The following PTPRM variants were observed in gnomAD, a reference collection of about 807,000 sequenced individuals.
PTPRM encodes the protein protein tyrosine phosphatase receptor type M, also known as receptor-type tyrosine-protein phosphatase mu.
Under a neutral mutation model 186.7 loss-of-function variants are expected in PTPRM, and 47 were observed. The ratio of observed to expected loss-of-function variants is 0.25; its 90% CI spans 0.20 to 0.32. The LOEUF (loss-of-function observed/expected upper bound fraction) is 0.32. PTPRM is among the 10% of genes least tolerant of loss of function. The pLI is 1.00. For missense variants in PTPRM, 1,494 were observed against 1,865.0 expected (o/e 0.80, Z 3.66); for synonymous variants, 668 against 674.9 (o/e 0.99, Z 0.16).
rs913996110 is a variant in PTPRM at position 8,076,462 on chromosome 18, T to G, written c.1449T>G (p.Gly483=). ...LIVQTDEDLP[G]AVPTESIQGS... The stretch of plus-strand genomic sequence containing the variant: ...CCTCCCACCCTCCTTTAGTCCCAGG[T>G]GCTGTTCCCACTGAATCCATACAAG... The change falls in exon 9 of 33, where the codon GGT becomes GGG. Residue 483 remains glycine (G), a synonymous_variant. Coordinates refer to ENST00000580170, the MANE Select transcript of PTPRM (RefSeq NM_001105244.2). 2 of 1,592,822 alleles carry G rather than the reference T, an allele frequency of 1.3e-6. No homozygotes were observed. The highest frequency in any genetic ancestry group is 1.7e-6 in the Non-Finnish European group (2 of 1,162,524).
rs537635365 is a variant in PTPRM, at chr18:8,280,419, G to A, written c.2755-15949G>A. ...AATTTGTGGTCGGGGGTGGGGGGGG[G>A]GTCACAATTCAGCCTGTGACACTGA... On this transcript the variant is annotated intron_variant, in intron 19 of 32. Transcript: ENST00000580170. Among the ~76,000 whole-genome samples the A allele has an allele frequency of 3.9e-3, 499 of 126,778 alleles. 28 individuals carry two copies. The East Asian group carries it at 0.11, about 29-fold the overall frequency. The allele number at this position is 126,778 out of a possible 152,430, so 83.2% of individuals were successfully genotyped here.
At chr18:8,321,746 G>A (rs114323168) in intron 22 of PTPRM, among the ~76,000 whole-genome samples, 3,356 of 152,258 alleles carry the variant, frequency 0.022, 111 homozygotes, top group African/African-American at 0.076. Context: ...TGGCGGTGCA[G>A]GGAGAGGAGG....
chr18:7,886,927 G>A (rs1240880558), intron 2 of PTPRM, among the ~76,000 whole-genome samples: 1 of 152,042 alleles, frequency 6.6e-6, no homozygotes, highest in Non-Finnish European at 1.5e-5. Flanking sequence ...TGCTGTTTAG[G>A]CAATCACAGC....
chr18:7,684,992 C>T (rs958191389), intron 1 of PTPRM, among the ~76,000 whole-genome samples: 4 of 152,168 alleles, frequency 2.6e-5, no homozygotes, highest in African/African-American at 9.7e-5. Flanking sequence ...TTCAGTGATA[C>T]TCTCCCACTC....
At position 7,567,910 on chromosome 18, in the gene PTPRM, G is replaced by T; in HGVS notation, c.73+19G>T. The T allele has an allele frequency of 6.5e-7, 1 of 1,540,962 alleles. No individual in the cohort carries two copies. ...TTCTCAGGTAAGCGGGACCGCCTCT[G>T]CCGCCCCCGAGGCGCGCGGGCCGGC... On this transcript the variant is annotated intron_variant, in intron 1 of 32. Transcript: ENST00000580170. This position sits in a 1 kb window ranked among gnomAD's most constrained non-coding sequence, Gnocchi z 4.3.
At chr18:8,065,380 T>A (rs1600359164) in intron 7 of PTPRM, among the ~76,000 whole-genome samples, 1 of 152,192 alleles carries the variant, frequency 6.6e-6, no homozygotes. Flanking sequence ...GCTGGAAACC[T>A]GGCTCAAGCT....
chr18:8,033,815 C>A (rs2148088384), intron 7 of PTPRM, among the ~76,000 whole-genome samples: 1 of 152,310 alleles, frequency 6.6e-6, no homozygotes, highest in Middle Eastern at 3.4e-3. Flanking sequence ...CTAACATGAA[C>A]TTTATAACTT....
At chr18:7,908,304 G>C (rs1396713962) in intron 4 of PTPRM, among the ~76,000 whole-genome samples, 1 of 152,062 alleles carries the variant, frequency 6.6e-6, no homozygotes, top group African/African-American at 2.4e-5. Context: ...AGGATCTCTG[G>C]CATTAAAGAG....
At chr18:8,094,190 T>G (rs2090900601) in intron 11 of PTPRM, among the ~76,000 whole-genome samples, 1 of 152,136 alleles carries the variant, frequency 6.6e-6, no homozygotes, top group Non-Finnish European at 1.5e-5. Context: ...TGTAAAACCT[T>G]GCAATGCAAA....
At chr18:7,712,319 A>G (rs936433186) in intron 1 of PTPRM, among the ~76,000 whole-genome samples, 30 of 152,152 alleles carry the variant, frequency 2.0e-4, no homozygotes, top group African/African-American at 7.2e-4. Flanking sequence ...CATCAACATC[A>G]AGGAAAAGGA....
At chr18:7,663,438 C>T (rs2039023885) in intron 1 of PTPRM, among the ~76,000 whole-genome samples, 1 of 152,160 alleles carries the variant, frequency 6.6e-6, no homozygotes, top group South Asian at 2.1e-4. Flanking sequence ...GAGCTTCAGT[C>T]AAACTTGAAC....
intron 19 of PTPRM, chr18:8,270,147 C>T (rs1283632869): frequency 2.0e-5 from 3 of 151,642 alleles, no homozygotes; most frequent in Non-Finnish European, 4.4e-5. Flanking sequence ...AAAAAGCAAC[C>T]TACAGAATGA....
intron 14 of PTPRM, among the ~76,000 whole-genome samples, chr18:8,239,848 A>G (rs2094395866): frequency 6.6e-6 from 1 of 152,244 alleles, no homozygotes; most frequent in Admixed American, 6.5e-5. Context: ...TGATCTATTT[A>G]TAGATATTCG....
intron 14 of PTPRM, among the ~76,000 whole-genome samples, chr18:8,216,750 A>G (rs948245954): frequency 2.6e-5 from 4 of 152,364 alleles, no homozygotes; most frequent in East Asian, 3.9e-4. Context: ...GGGAAATTAC[A>G]TGTATTTCAC....
intron 1 of PTPRM, among the ~76,000 whole-genome samples, chr18:7,585,474 C>T (rs2036955928): frequency 6.6e-6 from 1 of 152,070 alleles, no homozygotes; most frequent in South Asian, 2.1e-4. Flanking sequence ...ATATTTGGTG[C>T]TGTATTTAAG....
chr18:7,868,447 C>T (rs1051091121), intron 2 of PTPRM, among the ~76,000 whole-genome samples: 9 of 152,162 alleles, frequency 5.9e-5, no homozygotes, highest in East Asian at 1.9e-4. Flanking sequence ...TTCTAACATT[C>T]GGACCCCTCT....
intron 7 of PTPRM, among the ~76,000 whole-genome samples, chr18:8,030,337 A>G (rs1216605465): frequency 1.3e-5 from 2 of 152,196 alleles, no homozygotes; most frequent in Non-Finnish European, 2.9e-5. Flanking sequence ...CTGTAGGCAG[A>G]AAGGAGTGGA....
At chr18:7,655,650 T>C (rs2038829602) in intron 1 of PTPRM, among the ~76,000 whole-genome samples, 1 of 152,232 alleles carries the variant, frequency 6.6e-6, no homozygotes, top group African/African-American at 2.4e-5. Flanking sequence ...AAGATGTCTT[T>C]TACCAGGTGA....
intron 11 of PTPRM, among the ~76,000 whole-genome samples, chr18:8,110,679 A>T (rs892502914): frequency 6.6e-6 from 1 of 152,168 alleles, no homozygotes; most frequent in African/African-American, 2.4e-5. Context: ...GTAATTAATG[A>T]TTCAGATATA....
Sources: gnomAD v4.1 joint callset for allele counts (sites outside exome capture counted in the v4.1 genomes callset) on GRCh38, gnomAD v4.1.1 for gene constraint, Gnocchi (gnomAD v3.1) non-coding constraint, MANE v1.5 for transcripts, NCBI Gene and HGNC (gene_info 2026-07-23, HGNC 2026-07-21) for gene names.